Variants in FER1L6 observed in about 807,000 individuals in gnomAD.
FER1L6 encodes the protein fer-1-like protein 6.
Under a neutral mutation model 219.2 loss-of-function variants are expected in FER1L6, and 177 were observed. The observed-to-expected ratio is 0.81, with a 90% confidence interval of 0.71 to 0.91. The LOEUF is 0.91. Ranked by LOEUF, FER1L6 falls within the 40% of genes least tolerant of loss-of-function variation. The pLI is 0.00. For missense variants in FER1L6, 2,153 were observed against 2,259.9 expected (o/e 0.95, Z 0.96); for synonymous variants, 768 against 824.3 (o/e 0.93, Z 1.17).
chr8:123,905,393 C>T lies in FER1L6; in HGVS notation c.-7-50599C>T, dbSNP rs149471312. ...ATGGCTTCCAGCTTCATCCATGTCCCTGCAAAGGACATGATCTCATTCCTT... is the reference window on the plus strand; with the variant it reads ...ATGGCTTCCAGCTTCATCCATGTCCTTGCAAAGGACATGATCTCATTCCTT... On this transcript the variant is annotated intron_variant, in intron 1 of 40. Transcript: ENST00000522917. Among the ~76,000 whole-genome samples, 132 of 152,312 alleles carry T rather than the reference C, an allele frequency of 8.7e-4. 1 individual carries two copies. Among genetic ancestry groups the T allele is most frequent in the African/African-American group, 3.1e-3 (130 of 41,570 alleles).
intron 17 of FER1L6, among the ~76,000 whole-genome samples, chr8:124,022,375 G>T (rs1343587553): frequency 1.3e-5 from 2 of 152,226 alleles, no homozygotes; most frequent in Non-Finnish European, 2.9e-5. Context: ...TCTGCTTCCA[G>T]TCCAGGAATG....
intron 31 of FER1L6, among the ~76,000 whole-genome samples, chr8:124,073,892 A>C (rs945635071): frequency 1.3e-5 from 2 of 152,254 alleles, no homozygotes; most frequent in African/African-American, 4.8e-5. Flanking sequence ...CTGATGTGAC[A>C]AGAAGAAATG....
At chr8:124,062,101 G>A (rs1343444696) in intron 25 of FER1L6, 69 bp downstream of exon 25, 16 of 1,544,876 alleles carry the variant, frequency 1.0e-5, no homozygotes, top group African/African-American at 2.7e-5. Flanking sequence ...TGCCTGCTGT[G>A]GGATTGGCTC....
chr8:124,032,463 C>T (rs1270278564), intron 18 of FER1L6, among the ~76,000 whole-genome samples: 2 of 151,802 alleles, frequency 1.3e-5, no homozygotes, highest in Admixed American at 6.6e-5. Flanking sequence ...CTCTGTGGCT[C>T]TTGCCTGTAA....
chr8:124,010,477 GT>G lies in FER1L6; in HGVS notation c.1701-111del, dbSNP rs747196802. 348 of 1,268,002 alleles carry G rather than the reference GT, an allele frequency of 2.7e-4. 1 individual carries two copies. Among genetic ancestry groups the G allele is most frequent in the Non-Finnish European group, 3.1e-4 (284 of 915,332 alleles). 78.5% of individuals were successfully genotyped at this position (1,268,002 alleles called of 1,614,324 possible). A position where few individuals can be genotyped will look rare whatever the true frequency, so the allele number is the denominator to read the frequency against. ...CAAAGATGGTGTTAAAAGTTTGATA[GT>G]TTTTTCATCATGCCTCCCGAGTCCT... On this transcript the variant is annotated intron_variant, in intron 13 of 40. Coordinates refer to ENST00000522917, the MANE Select transcript of FER1L6 (RefSeq NM_001039112.2).
In FER1L6 at chr8:123,853,239, C is replaced by T. The variant is rs1035895212; in HGVS notation, c.-8+1054C>T. Among the ~76,000 whole-genome samples the T allele has an allele frequency of 5.9e-5, 9 of 152,168 alleles. No individual in the cohort carries two copies. The highest frequency in any genetic ancestry group is 1.7e-4 in the African/African-American group (7 of 41,440). ...GTACAATCTTGGCTCACTGCAGCCG[C>T]CACCTCCCAGGTTCAAGTGAGTCTC... On this transcript the variant is annotated intron_variant, in intron 1 of 40. Coordinates refer to ENST00000522917, the MANE Select transcript of FER1L6 (RefSeq NM_001039112.2). This position sits in a 1 kb window ranked among gnomAD's most constrained non-coding sequence, Gnocchi z 6.6.
In FER1L6 at chr8:124,003,387, T is replaced by A. The variant is rs766287029; in HGVS notation, c.1700+40T>A. 3.3e-6 allele frequency: 5 copies of A among 1,498,686 alleles called. No individual in the cohort carries two copies. The South Asian group carries it at 6.2e-5, about 19-fold the overall frequency. The allele number at this position is 1,498,686 out of a possible 1,614,324, so 92.8% of individuals were successfully genotyped here. On this transcript the variant is annotated intron_variant, in intron 13 of 40. Transcript: ENST00000522917. ...CTGGGAGAACAGTCAAGGATTTTGC[T>A]GGTGGAATTTTGTCCAGTTTCTAGG... is the stretch of plus-strand genomic sequence containing the variant.
At position 124,114,895 on chromosome 8, in the gene FER1L6, GTATATATATATATATATATATA is replaced by G. The variant is rs71289637; in HGVS notation, c.5290-3931_5290-3910del. 2.0e-4 allele frequency among the ~76,000 whole-genome samples: 18 copies of G among 90,066 alleles called. 1 individual carries two copies. The South Asian group carries it at 5.5e-3, about 28-fold the overall frequency. The allele number at this position is 90,066 out of a possible 152,430, so 59.1% of individuals were successfully genotyped here. ...ACATATATATGCAGTGTGTGTGTGC[GTATATATATATATATATATATA>G]TATATATATATATATATTCCTTTTC... is the stretch of plus-strand genomic sequence containing the variant. On this transcript the variant is annotated intron_variant, in intron 39 of 40. Coordinates refer to ENST00000522917, the MANE Select transcript of FER1L6 (RefSeq NM_001039112.2).
intron 8 of FER1L6, 125 bp downstream of exon 8, chr8:123,975,431 G>T (rs1816028692): frequency 1.1e-6 from 1 of 880,696 alleles, no homozygotes; most frequent in South Asian, 1.9e-5. Flanking sequence ...TGGTCACCTG[G>T]CATTCTGCTC....
chr8:123,861,489 T>C (rs1445134346), intron 1 of FER1L6, among the ~76,000 whole-genome samples: 5 of 132,618 alleles, frequency 3.8e-5, no homozygotes, highest in African/African-American at 1.6e-4. Context: ...CCATATGAAC[T>C]TTAAAGTAGT....
chr8:124,038,111 G>T (rs1403407970), intron 19 of FER1L6, among the ~76,000 whole-genome samples: 1 of 152,144 alleles, frequency 6.6e-6, no homozygotes, highest in Non-Finnish European at 1.5e-5. Flanking sequence ...AGCTGTCTGT[G>T]TCCCTAGACT....
At chr8:123,972,446 G>A (rs959547926) in intron 6 of FER1L6, among the ~76,000 whole-genome samples, 5 of 152,228 alleles carry the variant, frequency 3.3e-5, no homozygotes, top group African/African-American at 7.2e-5. Context: ...GGATTTTATA[G>A]TTAGAAGGAA....
intron 33 of FER1L6, among the ~76,000 whole-genome samples, chr8:124,083,017 CATATGGGGTATATG>C (rs1405692916): frequency 1.1e-4 from 11 of 101,498 alleles, no homozygotes; most frequent in Middle Eastern, 9.9e-3. Context: ...TATACACACA[CATATGGGGTATATG>C]ACATGTATAC....
At position 123,856,316 on chromosome 8, in the gene FER1L6, GTATATATATA is replaced by G. The variant is rs1554608009; in HGVS notation, c.-8+4155_-8+4164del. 3.1e-4 allele frequency among the ~76,000 whole-genome samples: 14 copies of G among 45,088 alleles called. 2 individuals are homozygous for G. Among genetic ancestry groups the G allele is most frequent in the African/African-American group, 6.1e-4 (7 of 11,510 alleles). 29.6% of individuals were successfully genotyped at this position (45,088 alleles called of 152,430 possible). Reference sequence around the variant, plus strand: ...TGTATATATATATATATATGTATGTGTATATATATATATATATATATATATATATATATTA... The same window carrying G: ...TGTATATATATATATATATGTATGTGTATATATATATATATATATATATTA... On this transcript the variant is annotated intron_variant, in intron 1 of 40. Transcript: ENST00000522917.
At chr8:123,969,913 A>T in intron 5 of FER1L6, 122 bp from the exon 6 acceptor site, 1 of 666,862 alleles carries the variant, frequency 1.5e-6, no homozygotes, top group Non-Finnish European at 2.7e-6. Context: ...CAATCAATTG[A>T]TGATGTATAT....
In FER1L6 at chr8:124,023,986, TCCCGG is replaced by T. The variant is rs1302620704; in HGVS notation, c.2286+391_2286+395del. Among the ~76,000 whole-genome samples the T allele has an allele frequency of 5.9e-5, 9 of 151,304 alleles. No homozygotes were observed. In the East Asian group the frequency reaches 1.8e-3, roughly 30 times the overall value. On this transcript the variant is annotated intron_variant, in intron 18 of 40. Transcript: ENST00000522917. ...ACCTCGGCTCACTGCAACCTCCGCC[TCCCGG>T]ATTCAAGTGATTCTCCTGCCTCAGC... is the stretch of plus-strand genomic sequence containing the variant.
At chr8:123,880,148 C>T (rs545827082) in intron 1 of FER1L6, among the ~76,000 whole-genome samples, 2 of 152,244 alleles carry the variant, frequency 1.3e-5, no homozygotes, top group South Asian at 4.2e-4. Flanking sequence ...TCGGCATCCC[C>T]TCTTCCCCGA....
In FER1L6 at chr8:124,069,483, G is replaced by A; in HGVS notation, c.3834+8G>A. ...AACCTGGCCATCTTGCAGGTATGTG[G>A]GGACACAGGCATCTCTGCCATGGAT... On this transcript the variant is annotated splice_region_variant and intron_variant, in intron 29 of 40. Transcript: ENST00000522917. 6.3e-7 allele frequency: 1 copy of A among 1,592,602 alleles called. No individual in the cohort carries two copies. The highest frequency in any genetic ancestry group is 8.6e-7 in the Non-Finnish European group (1 of 1,166,970).
intron 8 of FER1L6, among the ~76,000 whole-genome samples, chr8:123,975,619 G>A (rs1475822839): frequency 1.3e-5 from 2 of 152,118 alleles, no homozygotes; most frequent in African/African-American, 2.4e-5. Flanking sequence ...TTCAATCACT[G>A]GTTTGTGATG....
Sources: allele counts gnomAD v4.1 joint callset (sites outside exome capture counted in the v4.1 genomes callset), GRCh38; gene constraint gnomAD v4.1.1; non-coding constraint Gnocchi (gnomAD v3.1); transcripts MANE v1.5; gene names NCBI Gene and HGNC (gene_info 2026-07-23, HGNC 2026-07-21).